CCZ1: variants seen among roughly 807,000 people sequenced by gnomAD.
CCZ1 encodes CCZ1 vacuolar protein trafficking and biogenesis associated.
In CCZ1, 19 loss-of-function variants were observed where a neutral mutation model predicts 57.8. The ratio of observed to expected loss-of-function variants is 0.33; its 90% confidence interval spans 0.23 to 0.48. CCZ1 has a LOEUF of 0.48. CCZ1 is among the 20% of genes least tolerant of loss of function. The pLI is 0.99. For missense variants in CCZ1, 200 were observed against 492.0 expected, an observed-to-expected ratio of 0.41 and a Z score of 5.61; for synonymous variants, 81 against 167.0, an observed-to-expected ratio of 0.49 and a Z score of 3.97.
chr7:5,911,122 A>G (rs1327146525), intron 8 of CCZ1, among the ~76,000 whole-genome samples: 1 of 148,926 alleles, frequency 6.7e-6, no homozygotes, highest in Admixed American at 6.6e-5. Context: ...CTTTTCCTCT[A>G]TCAACAGGAG....
intron 7 of CCZ1, among the ~76,000 whole-genome samples, chr7:5,909,106 CTTT>C (rs10645268): frequency 1.4e-5 from 2 of 140,502 alleles, no homozygotes; most frequent in Admixed American, 7.0e-5. Flanking sequence ...TCCCTTGTGA[CTTT>C]TTTTTTTTTT....
At chr7:5,906,585 G>A (rs1455718209) in intron 7 of CCZ1, among the ~76,000 whole-genome samples, 1 of 148,422 alleles carries the variant, frequency 6.7e-6, no homozygotes, top group Admixed American at 6.7e-5. Context: ...GGCCTCCCAA[G>A]GTGCCTCGAT....
At chr7:5,905,440 G>C (rs1371160596) in intron 7 of CCZ1, among the ~76,000 whole-genome samples, 171 bp downstream of exon 7, 1 of 144,156 alleles carries the variant, frequency 6.9e-6, no homozygotes, top group African/African-American at 2.6e-5. Context: ...AGCAGAACTA[G>C]GGTGATTTGG....
chr7:5,914,084 A>G (rs1779104581), intron 10 of CCZ1, among the ~76,000 whole-genome samples: 1 of 146,982 alleles, frequency 6.8e-6, no homozygotes, highest in African/African-American at 2.5e-5. Context: ...CGAAAGAAAC[A>G]TGATTCCGAG....
chr7:5,908,182 T>A (rs1025583995), intron 7 of CCZ1, among the ~76,000 whole-genome samples: 7 of 143,662 alleles, frequency 4.9e-5, no homozygotes, highest in African/African-American at 1.3e-4. Flanking sequence ...AAAAGACTTT[T>A]AAGCCAGGCG....
At position 5,905,805 on chromosome 7, in the gene CCZ1, AAAG is replaced by A. The variant is rs1315096867; in HGVS notation, c.698+538_698+540del. On this transcript the variant is annotated intron_variant, in intron 7 of 14. Coordinates refer to ENST00000325974, the MANE Select transcript of CCZ1 (RefSeq NM_015622.6). ...CCAAAAAAAAAAAAAAAAAAAAAAA[AAAG>A]AGAAAATGTTCCTATCAAGTAAGGT... Among the ~76,000 whole-genome samples, 9 of 139,006 alleles carry A rather than the reference AAAG, an allele frequency of 6.5e-5. 2 individuals carry two copies. The highest frequency in any genetic ancestry group is 1.9e-4 in the African/African-American group (7 of 37,234). 91.2% of individuals were successfully genotyped at this position (139,006 alleles called of 152,430 possible). A position where few individuals can be genotyped will look rare whatever the true frequency, so the allele number is the denominator to read the frequency against.
At position 5,911,886 on chromosome 7, in the gene CCZ1, G is replaced by A. The variant is rs768604029; in HGVS notation, c.806G>A (p.Arg269Lys). Reference sequence around the variant, plus strand: ...TTAGCAGGAAGGGATTCTCCAATAAGAGCAGAAATGCCAGGAAATCTTCAA... The same window carrying A: ...TTAGCAGGAAGGGATTCTCCAATAAAAGCAGAAATGCCAGGAAATCTTCAA... ...PELAGRDSPI[R>K]AEMPGNLQHY... The change falls in exon 9 of 15, where the codon AGA becomes AAA. Residue 269 changes from arginine (R) to lysine (K), a missense_variant. Coordinates refer to ENST00000325974, the MANE Select transcript of CCZ1 (RefSeq NM_015622.6). 20 of 1,586,158 alleles carry A rather than the reference G, an allele frequency of 1.3e-5. 1 individual carries two copies. In the East Asian group the frequency reaches 4.2e-4, roughly 33 times the overall value.
At chr7:5,903,992 T>A (rs1781743697) in intron 6 of CCZ1, among the ~76,000 whole-genome samples, 1 of 116,466 alleles carries the variant, frequency 8.6e-6, no homozygotes, top group Non-Finnish European at 1.8e-5. Flanking sequence ...AGACTCCATC[T>A]CGGGGGGGGA....
chr7:5,914,677 C>T (rs941490683), intron 10 of CCZ1, among the ~76,000 whole-genome samples: 4 of 148,880 alleles, frequency 2.7e-5, no homozygotes, highest in African/African-American at 5.0e-5. Flanking sequence ...GAGTTCGAGA[C>T]CAGCCTGGCC....
At chr7:5,912,768 G>A in intron 9 of CCZ1, 75 bp from the exon 10 acceptor site, 5 of 1,120,568 alleles carry the variant, frequency 4.5e-6, no homozygotes, top group South Asian at 1.3e-5. Context: ...TATGAAGTGG[G>A]AGTGTGTTCT....
chr7:5,911,933 T>C lies in CCZ1; in HGVS notation c.842+11T>C, dbSNP rs1208856041. 2.6e-6 allele frequency: 4 copies of C among 1,566,250 alleles called. No homozygotes were observed. The highest frequency in any genetic ancestry group is 4.0e-5 in the Admixed American group (2 of 49,638). On this transcript the variant is annotated intron_variant, in intron 9 of 14. Coordinates refer to ENST00000325974, the MANE Select transcript of CCZ1 (RefSeq NM_015622.6). Reference sequence around the variant, plus strand: ...TCAACACTATGGAAGGTAGGACTTCTGTTCTTTGATTTATGATACTGGGTT... The same window carrying C: ...TCAACACTATGGAAGGTAGGACTTCCGTTCTTTGATTTATGATACTGGGTT...
rs577079969 is a variant in CCZ1 at position 5,905,346 on chromosome 7, G to T, written c.698+77G>T. On this transcript the variant is annotated intron_variant, in intron 7 of 14. Coordinates refer to ENST00000325974, the MANE Select transcript of CCZ1 (RefSeq NM_015622.6). ...ACAGCAGTGACTGGATTGATGACAG[G>T]TTGTCAAACAGGAACTTGCAGCGGG... The T allele has an allele frequency of 8.1e-5, 67 of 831,378 alleles. 2 individuals are homozygous for T. Among genetic ancestry groups the T allele is most frequent in the Admixed American group, 1.8e-4 (6 of 33,028 alleles). The allele number at this position is 831,378 out of a possible 1,614,324, so 51.5% of individuals were successfully genotyped here.
intron 3 of CCZ1, 75 bp from the exon 4 acceptor site, chr7:5,900,780 A>T: frequency 6.4e-7 from 1 of 1,574,064 alleles, no homozygotes; most frequent in African/African-American, 1.4e-5. Context: ...AGCATGTTCA[A>T]AGTTTTTAAA....
rs1393478131 is a variant in CCZ1 at position 5,900,402 on chromosome 7, T to C, written c.218+21T>C. 8 of 1,550,462 alleles carry C rather than the reference T, an allele frequency of 5.2e-6. No individual in the cohort carries two copies. The African/African-American group carries it at 9.8e-5, about 19-fold the overall frequency. On this transcript the variant is annotated intron_variant, in intron 2 of 14. Coordinates refer to ENST00000325974, the MANE Select transcript of CCZ1 (RefSeq NM_015622.6). ...ACAAGGTAATACCTCTAAGTGTGCT[T>C]TTAGCGTTCAGTGAATTCTTAAAAC...
Position 5,905,262 on chromosome 7 carries a change from C to T in CCZ1, c.691C>T (p.Leu231Phe), listed in dbSNP as rs781512090. The change falls in exon 7 of 15, where the codon CTC (leucine) becomes TTC (phenylalanine). Residue 231 changes from leucine to phenylalanine, a missense_variant. Around this residue, in one of 5 missense-constraint regions of CCZ1, gnomAD observed 128 missense variants for 178.4 expected, o/e 0.72. Transcript: ENST00000325974. ...KYTAFLYNDQ[L>F]IWSGLEQDDM... ...CACTGCTTTTCTCTATAACGATCAG[C>T]TCATCTGGTAGGTACACCCCGAGGC... 2 of 1,512,192 alleles carry T rather than the reference C, an allele frequency of 1.3e-6. No homozygotes were observed. The highest frequency in any genetic ancestry group is 2.6e-5 in the East Asian group (1 of 38,198). 93.7% of individuals were successfully genotyped at this position (1,512,192 alleles called of 1,614,324 possible). A position where few individuals can be genotyped will look rare whatever the true frequency, so the allele number is the denominator to read the frequency against.
chr7:5,914,695 G>T (rs1237890051), intron 10 of CCZ1, among the ~76,000 whole-genome samples: 10 of 148,280 alleles, frequency 6.7e-5, no homozygotes, highest in Non-Finnish European at 1.2e-4. Flanking sequence ...GCCAACATGG[G>T]GAAACCCTGT....
At chr7:5,914,483 A>G (rs1432098277) in intron 10 of CCZ1, among the ~76,000 whole-genome samples, 2 of 148,886 alleles carry the variant, frequency 1.3e-5, no homozygotes, top group African/African-American at 5.0e-5. Context: ...ACCAGACATT[A>G]TGTGACAGTG....
chr7:5,920,301 T>G (rs28615217), intron 12 of CCZ1, among the ~76,000 whole-genome samples: 29,941 of 104,748 alleles, frequency 0.29, 1,634 homozygotes, highest in Admixed American at 0.34. Context: ...ACTGAAAGCA[T>G]TTTGCCTCTC....
rs751265072 is a variant in CCZ1 at position 5,905,161 on chromosome 7, C to T, written c.590C>T (p.Pro197Leu). The change falls in exon 7 of 15, where the codon CCG becomes CTG. Residue 197 changes from proline (P) to leucine (L), a missense_variant. Physicochemically the swap from Pro to Leu is moderately conservative, Grantham distance 98. This residue lies in a region of CCZ1 where 128 missense variants were observed against 178.4 expected (regional missense o/e 0.72). Coordinates refer to ENST00000325974, the MANE Select transcript of CCZ1 (RefSeq NM_015622.6). The part of the protein sequence containing the change: ...LDIFGGISFF[P>L]LDKMTYLKIQ... Reference sequence around the variant, plus strand: ...ATTTTTGGTGGAATCAGCTTCTTCCCGTTGGATAAAATGACTTATTTGAAA... The same window carrying T: ...ATTTTTGGTGGAATCAGCTTCTTCCTGTTGGATAAAATGACTTATTTGAAA... 62 of 1,579,700 alleles carry T rather than the reference C, an allele frequency of 3.9e-5. 3 individuals are homozygous for T. Among genetic ancestry groups the T allele is most frequent in the Admixed American group, 5.1e-5 (3 of 58,570 alleles).
Sources: allele counts gnomAD v4.1 joint callset (sites outside exome capture counted in the v4.1 genomes callset), GRCh38; gene constraint gnomAD v4.1.1; regional missense constraint gnomAD v4.1.1; transcripts MANE v1.5; gene names NCBI Gene and HGNC (gene_info 2026-07-23, HGNC 2026-07-21).